CACNA2D3: variants seen among roughly 807,000 people sequenced by gnomAD.
CACNA2D3 encodes the protein calcium voltage-gated channel auxiliary subunit alpha2delta 3.
CACNA2D3 carries 60 observed loss-of-function variants against 160.6 expected under a neutral mutation model. That is an observed-to-expected ratio of 0.37 (90% confidence interval 0.30 to 0.46). The LOEUF (loss-of-function observed/expected upper bound fraction) is 0.46, where lower values mean the gene tolerates loss of function less well. CACNA2D3 is among the 20% of genes least tolerant of loss of function. The pLI, the probability that CACNA2D3 is intolerant of heterozygous loss-of-function variation, is 1.00. For missense variants in CACNA2D3, 1,205 were observed against 1,365.0 expected (o/e 0.88, Z 1.85); for synonymous variants, 558 against 492.9 (o/e 1.13, Z -1.75).
intron 9 of CACNA2D3, among the ~76,000 whole-genome samples, chr3:54,625,482 G>C (rs866349396): frequency 6.6e-6 from 1 of 152,140 alleles, no homozygotes; most frequent in Non-Finnish European, 1.5e-5. Context: ...TGAAGACTCA[G>C]TTGCACTGTA....
At chr3:54,221,509 C>G (rs1577008084) in intron 2 of CACNA2D3, among the ~76,000 whole-genome samples, 1 of 152,214 alleles carries the variant, frequency 6.6e-6, no homozygotes, top group African/African-American at 2.4e-5. Context: ...AACATTACAT[C>G]TCTAAGAGAG....
chr3:54,452,887 A>G (rs1355244356), intron 4 of CACNA2D3, among the ~76,000 whole-genome samples: 1 of 150,774 alleles, frequency 6.6e-6, no homozygotes, highest in African/African-American at 2.4e-5. Flanking sequence ...CATCACTCTA[A>G]TTTCTGCCTC....
At chr3:54,262,123 A>C (rs1382426134) in intron 2 of CACNA2D3, among the ~76,000 whole-genome samples, 1 of 152,156 alleles carries the variant, frequency 6.6e-6, no homozygotes, top group East Asian at 1.9e-4. Context: ...AACCCACGAC[A>C]GGCTGTATAA....
intron 27 of CACNA2D3, among the ~76,000 whole-genome samples, chr3:54,915,878 A>C (rs749756039): frequency 2.0e-5 from 3 of 152,264 alleles, no homozygotes; most frequent in Non-Finnish European, 2.9e-5. Context: ...CCCATAAAGC[A>C]GGAAGTCTGT....
At chr3:54,619,763 T>C (rs1319516659) in intron 9 of CACNA2D3, among the ~76,000 whole-genome samples, 5 of 150,226 alleles carry the variant, frequency 3.3e-5, no homozygotes. Flanking sequence ...GGCTTGGTGG[T>C]AGCCATGTCA....
At chr3:54,280,956 C>G (rs1009612229) in intron 2 of CACNA2D3, among the ~76,000 whole-genome samples, 2 of 152,134 alleles carry the variant, frequency 1.3e-5, no homozygotes, top group Admixed American at 6.5e-5. Flanking sequence ...TGCTTTTTTC[C>G]TTTATGAGGC....
intron 2 of CACNA2D3, among the ~76,000 whole-genome samples, chr3:54,139,897 C>T (rs1487054451): frequency 6.6e-6 from 1 of 152,204 alleles, no homozygotes; most frequent in African/African-American, 2.4e-5. Context: ...ATCTCAGGAA[C>T]ACTGGCTGCT....
intron 26 of CACNA2D3, chr3:54,897,080 T>G: frequency 2.0e-6 from 1 of 505,530 alleles, no homozygotes; most frequent in Non-Finnish European, 3.5e-6. Context: ...TTTACCAAAT[T>G]ATGTAAATGT....
chr3:54,782,857 G>A (rs947862553), intron 13 of CACNA2D3, among the ~76,000 whole-genome samples: 5 of 152,134 alleles, frequency 3.3e-5, no homozygotes, highest in Admixed American at 1.3e-4. Flanking sequence ...CCTTCCTAAC[G>A]GTGGAGTAGG....
chr3:54,649,140 GC>G (rs1468998090), intron 11 of CACNA2D3, among the ~76,000 whole-genome samples: 1 of 152,136 alleles, frequency 6.6e-6, no homozygotes, highest in African/African-American at 2.4e-5. Context: ...ATGTTTAGCG[GC>G]CCTTTCTCCT....
chr3:54,566,692 C>G (rs570650962), intron 6 of CACNA2D3, among the ~76,000 whole-genome samples: 1 of 152,316 alleles, frequency 6.6e-6, no homozygotes, highest in East Asian at 1.9e-4. Context: ...TCCCCAACAT[C>G]AGACTGTCAC....
At chr3:54,676,744 A>C (rs778818185) in intron 11 of CACNA2D3, among the ~76,000 whole-genome samples, 1 of 152,178 alleles carries the variant, frequency 6.6e-6, no homozygotes, top group African/African-American at 2.4e-5. Context: ...CTGCCTGCCA[A>C]TGAGAGGGGA....
chr3:55,051,198 A>G (rs1559474014), intron 35 of CACNA2D3, among the ~76,000 whole-genome samples: 2 of 151,990 alleles, frequency 1.3e-5, no homozygotes, highest in Non-Finnish European at 2.9e-5. Flanking sequence ...TAGAATTTCC[A>G]GTTTTTCTGC....
At chr3:54,299,530 G>A (rs1228483542) in intron 2 of CACNA2D3, among the ~76,000 whole-genome samples, 2 of 152,170 alleles carry the variant, frequency 1.3e-5, no homozygotes, top group Non-Finnish European at 2.9e-5. Context: ...TTTTATGAAA[G>A]ATGAATGGAT....
chr3:54,580,373 C>T (rs1483023191), intron 8 of CACNA2D3, among the ~76,000 whole-genome samples: 1 of 152,086 alleles, frequency 6.6e-6, no homozygotes, highest in East Asian at 1.9e-4. Flanking sequence ...CCCTCTTCGA[C>T]CTGTCCCTGC....
intron 11 of CACNA2D3, among the ~76,000 whole-genome samples, chr3:54,660,842 C>T (rs186227393): frequency 3.9e-5 from 6 of 152,250 alleles, no homozygotes; most frequent in Non-Finnish European, 8.8e-5. Context: ...GAAAGTGGAG[C>T]TCGGTTCATT....
chr3:54,933,051 CCCTTCCTTCCTTCCTT>C (rs60554563), intron 27 of CACNA2D3, among the ~76,000 whole-genome samples: 39,292 of 139,342 alleles, frequency 0.28, 6,053 homozygotes, highest in East Asian at 0.43. Context: ...ATCCATCCCT[CCCTTCCTTCCTTCCTT>C]CCTTCCTTCC....
intron 5 of CACNA2D3, among the ~76,000 whole-genome samples, chr3:54,513,410 G>A (rs1353396667): frequency 1.3e-5 from 2 of 152,042 alleles, no homozygotes; most frequent in Non-Finnish European, 2.9e-5. Flanking sequence ...TGCTTACTAT[G>A]TTTCAGGCAT....
At chr3:54,291,605 G>A (rs1399064185) in intron 2 of CACNA2D3, among the ~76,000 whole-genome samples, 9 of 152,120 alleles carry the variant, frequency 5.9e-5, no homozygotes, top group African/African-American at 1.4e-4. Flanking sequence ...TCTCCCCAGC[G>A]AAACAGAACA....
Sources: gnomAD v4.1 joint callset for allele counts (sites outside exome capture counted in the v4.1 genomes callset) on GRCh38, gnomAD v4.1.1 for gene constraint, MANE v1.5 for transcripts, NCBI Gene and HGNC (gene_info 2026-07-23, HGNC 2026-07-21) for gene names.